Variants in BANF2 observed in about 807,000 individuals in gnomAD.
BANF2 encodes the protein barrier-to-autointegration factor-like protein.
A neutral mutation model predicts 8.0 loss-of-function variants in BANF2; 4 were observed. That is an observed-to-expected ratio of 0.50 (90% CI 0.25 to 1.14). The LOEUF (loss-of-function observed/expected upper bound fraction) is 1.14. BANF2 is among the 50% of genes most tolerant of loss of function. The pLI, the probability that BANF2 is intolerant of heterozygous loss-of-function variation, is 0.16. For synonymous variants in BANF2, 50 were observed against 40.6 expected, an observed-to-expected ratio of 1.23 and a Z score of -0.88; for missense variants, 96 against 107.5, an observed-to-expected ratio of 0.89 and a Z score of 0.47.
chr20:17,700,814 C>T (rs949219960), intron 1 of BANF2, among the ~76,000 whole-genome samples: 2 of 152,148 alleles, frequency 1.3e-5, no homozygotes, highest in African/African-American at 2.4e-5. Flanking sequence ...AGTAGGGACC[C>T]GTTCTGGGCC....
At chr20:17,698,435 T>A (rs1357380459), upstream of BANF2, among the ~76,000 whole-genome samples, 1 of 152,210 alleles carries the variant, frequency 6.6e-6, no homozygotes, top group Middle Eastern at 3.2e-3. Context: ...CAGCCTCAGA[T>A]ATTTCTTTAT....
intron 3 of BANF2, among the ~76,000 whole-genome samples, chr20:17,735,340 G>A (rs1478153212): frequency 6.6e-6 from 1 of 152,150 alleles, no homozygotes; most frequent in African/African-American, 2.4e-5. Flanking sequence ...GCCTCTCCCT[G>A]GACTTAGACT....
intron 1 of BANF2, among the ~76,000 whole-genome samples, chr20:17,722,229 T>C (rs2122626745): frequency 6.6e-6 from 1 of 152,356 alleles, no homozygotes; most frequent in Admixed American, 6.5e-5. Context: ...TGAGCTCAGG[T>C]GTGTGAGAAA....
At chr20:17,710,074 G>A (rs143855837) in intron 1 of BANF2, among the ~76,000 whole-genome samples, 1 of 152,336 alleles carries the variant, frequency 6.6e-6, no homozygotes, top group East Asian at 1.9e-4. Context: ...ATCACCTAAT[G>A]TGGGACAGGC....
At chr20:17,712,263 T>G (rs945433708) in intron 1 of BANF2, 2 of 152,276 alleles carry the variant, frequency 1.3e-5, no homozygotes, top group Admixed American at 1.3e-4. Flanking sequence ...CAGGCTTCAG[T>G]TCACCCATCA....
intron 1 of BANF2, among the ~76,000 whole-genome samples, chr20:17,706,884 G>T (rs991146886): frequency 6.6e-6 from 1 of 152,234 alleles, no homozygotes; most frequent in Non-Finnish European, 1.5e-5. Flanking sequence ...CAAAGTCCAT[G>T]CAGGCAAGTA....
intron 1 of BANF2, among the ~76,000 whole-genome samples, chr20:17,713,108 T>C (rs983964825): frequency 6.6e-6 from 1 of 151,868 alleles, no homozygotes; most frequent in South Asian, 2.1e-4. Context: ...AAAAATTAGC[T>C]GAGCATGGTG....
chr20:17,711,985 T>G (rs1435321764), intron 1 of BANF2, among the ~76,000 whole-genome samples: 2 of 151,942 alleles, frequency 1.3e-5, no homozygotes, highest in Admixed American at 6.6e-5. Context: ...TCCTAAAGAG[T>G]GATGGCTGCC....
chr20:17,728,881 C>T (rs1005148999), intron 3 of BANF2, among the ~76,000 whole-genome samples: 2 of 152,038 alleles, frequency 1.3e-5, no homozygotes, highest in East Asian at 1.9e-4. Context: ...ATAAAACACA[C>T]CCTGCAGTGT....
At chr20:17,713,299 C>T (rs983462901) in intron 1 of BANF2, among the ~76,000 whole-genome samples, 17 of 151,956 alleles carry the variant, frequency 1.1e-4, no homozygotes, top group African/African-American at 4.1e-4. Context: ...TGCATGGATG[C>T]ACCTTGAGGA....
chr20:17,711,225 T>A (rs955508645), intron 1 of BANF2, among the ~76,000 whole-genome samples: 1 of 152,156 alleles, frequency 6.6e-6, no homozygotes, highest in Non-Finnish European at 1.5e-5. Flanking sequence ...AAGGCCAGTG[T>A]GGAGCCACTT....
At chr20:17,714,821 G>A (rs1352927600) in intron 1 of BANF2, among the ~76,000 whole-genome samples, 1 of 152,100 alleles carries the variant, frequency 6.6e-6, no homozygotes. Context: ...GGATAATAAA[G>A]ACTATAAATA....
chr20:17,697,506 C>T (rs2037356054), upstream of BANF2, among the ~76,000 whole-genome samples: 1 of 152,232 alleles, frequency 6.6e-6, no homozygotes, highest in South Asian at 2.1e-4. Flanking sequence ...TATACCAAGC[C>T]AATTTATATA....
At chr20:17,702,686 GA>G (rs1275109658) in intron 1 of BANF2, among the ~76,000 whole-genome samples, 1 of 152,166 alleles carries the variant, frequency 6.6e-6, no homozygotes, top group Non-Finnish European at 1.5e-5. Context: ...TAACCCTGGG[GA>G]AAACTGGAAC....
At chr20:17,696,563 C>T (rs1480989204), upstream of BANF2, among the ~76,000 whole-genome samples, 1 of 152,154 alleles carries the variant, frequency 6.6e-6, no homozygotes, top group Non-Finnish European at 1.5e-5. Context: ...TAATGTCGAA[C>T]ATTTTTTCCC....
At position 17,735,727 on chromosome 20, in the gene BANF2, G is replaced by C. The variant is rs1280745425; in HGVS notation, c.189G>C (p.Trp63Cys). 4 of 1,613,680 alleles carry C rather than the reference G, an allele frequency of 2.5e-6. No homozygotes were observed. The highest frequency in any genetic ancestry group is 1.3e-5 in the African/African-American group (1 of 75,000). ...AGAATGAAGCCGAGTTTCAGAGGTG[G>C]CTCATTTGCTGTTTTGGTGCCACTG... The part of the protein sequence containing the change: ...MHKNEAEFQR[W>C]LICCFGATEC... The change falls in exon 4 of 4, where the codon TGG (tryptophan) becomes TGC (cysteine). Residue 63 changes from tryptophan to cysteine, a missense_variant. Coordinates refer to ENST00000246090, the MANE Select transcript of BANF2 (RefSeq NM_178477.5).
intron 1 of BANF2, among the ~76,000 whole-genome samples, chr20:17,711,870 CTG>C (rs1012082021): frequency 4.6e-5 from 7 of 152,212 alleles, no homozygotes; most frequent in Non-Finnish European, 8.8e-5. Context: ...CTACTACTCT[CTG>C]TCTCCTTGCA....
intron 3 of BANF2, among the ~76,000 whole-genome samples, chr20:17,729,166 C>G (rs1179334280): frequency 6.6e-6 from 1 of 152,190 alleles, no homozygotes; most frequent in African/African-American, 2.4e-5. Context: ...ATTCATGGTG[C>G]ACATGCCAAT....
At chr20:17,715,141 C>T (rs924623431) in intron 1 of BANF2, among the ~76,000 whole-genome samples, 2 of 152,130 alleles carry the variant, frequency 1.3e-5, no homozygotes, top group Admixed American at 1.3e-4. Flanking sequence ...TACCCTCAGC[C>T]CAGCTCCTCC....
Sources: allele counts gnomAD v4.1 joint callset (sites outside exome capture counted in the v4.1 genomes callset), GRCh38; gene constraint gnomAD v4.1.1; transcripts MANE v1.5; gene names NCBI Gene and HGNC (gene_info 2026-07-23, HGNC 2026-07-21).